Variants in ANO1 observed in about 807,000 individuals in gnomAD.
ANO1 encodes the protein anoctamin-1.
Under a neutral mutation model 124.0 loss-of-function variants are expected in ANO1, and 59 were observed. The ratio of observed to expected loss-of-function variants is 0.48; its 90% CI spans 0.39 to 0.59. The LOEUF is 0.59. ANO1 is among the 20% of genes least tolerant of loss of function. ANO1 has a pLI of 0.00. For synonymous variants in ANO1, 529 were observed against 532.0 expected (o/e 0.99, Z 0.08); for missense variants, 1,059 against 1,328.0 (o/e 0.80, Z 3.15).
chr11:70,072,237 G>C (rs1037341845), intron 1 of ANO1, among the ~76,000 whole-genome samples: 1 of 152,088 alleles, frequency 6.6e-6, no homozygotes, highest in African/African-American at 2.4e-5. Context: ...TCCCACAGAC[G>C]TGAGGCCCGG....
At chr11:69,974,702 C>G in the ANO1 span, among the ~76,000 whole-genome samples, 1 of 152,154 alleles carries the variant, frequency 6.6e-6, no homozygotes, top group South Asian at 2.1e-4. Flanking sequence ...GAGAGAAACA[C>G]AAGCTGTTCT....
At chr11:70,177,737 T>G (rs2048777878) in intron 22 of ANO1, among the ~76,000 whole-genome samples, 1 of 151,666 alleles carries the variant, frequency 6.6e-6, no homozygotes, top group South Asian at 2.1e-4. Context: ...GTAGCTGGGA[T>G]TACAGGCGCC....
At chr11:70,037,338 G>T (rs2135047504) in intron 1 of ANO1, among the ~76,000 whole-genome samples, 1 of 152,188 alleles carries the variant, frequency 6.6e-6, no homozygotes, top group East Asian at 1.9e-4. Flanking sequence ...GAGAAGAATT[G>T]GGATTTGGGA....
chr11:69,982,241 C>T (rs1450456973), upstream of ANO1, among the ~76,000 whole-genome samples: 1 of 152,172 alleles, frequency 6.6e-6, no homozygotes, highest in Non-Finnish European at 1.5e-5. Flanking sequence ...TGAGTATAGC[C>T]ACCAGGGGCC....
At chr11:70,161,427 T>C (rs2048040386) in intron 17 of ANO1, 65 bp downstream of exon 17, 16 of 1,551,472 alleles carry the variant, frequency 1.0e-5, no homozygotes, top group African/African-American at 1.4e-5. Flanking sequence ...TGCCTCTTGC[T>C]GTGCATCCTT....
upstream of ANO1, among the ~76,000 whole-genome samples, chr11:69,984,327 C>G (rs913701810): frequency 6.7e-6 from 1 of 149,976 alleles, no homozygotes; most frequent in African/African-American, 2.5e-5. Context: ...AGCCTGCCGC[C>G]CACGGAGAAT....
chr11:70,017,078 C>A (rs1268562113), intron 1 of ANO1, among the ~76,000 whole-genome samples: 1 of 152,208 alleles, frequency 6.6e-6, no homozygotes, highest in African/African-American at 2.4e-5. Flanking sequence ...TAGAAAGATG[C>A]CTGGCACAGA....
rs188344605 is a variant in ANO1 at position 70,114,831 on chromosome 11, G to A, written c.856-1627G>A. 1.6e-3 allele frequency among the ~76,000 whole-genome samples: 247 copies of A among 152,226 alleles called. 1 individual carries two copies. The highest frequency in any genetic ancestry group is 5.5e-3 in the African/African-American group (228 of 41,536). ...GGAGAATTGCTTGAACTCGGGAGGC[G>A]GATAACAACCTGATAGAGTTGTGTG... On this transcript the variant is annotated intron_variant, in intron 7 of 25. Transcript: ENST00000355303.
At chr11:70,179,295 G>T (rs114950019) in intron 22 of ANO1, among the ~76,000 whole-genome samples, 1,657 of 152,360 alleles carry the variant, frequency 0.011, 31 homozygotes, top group African/African-American at 0.037. Flanking sequence ...TGAGGCGGGG[G>T]TCAGCCCGGG....
the ANO1 span, among the ~76,000 whole-genome samples, chr11:69,967,671 G>A: frequency 3.9e-5 from 6 of 152,340 alleles, 1 homozygote; most frequent in South Asian, 4.1e-4. Context: ...CACGGCCCCC[G>A]TTTACACAAG....
intron 1 of ANO1, among the ~76,000 whole-genome samples, chr11:69,997,121 G>C (rs1301299576): frequency 1.3e-5 from 2 of 152,140 alleles, no homozygotes; most frequent in Non-Finnish European, 2.9e-5. Context: ...TTTTATCACT[G>C]TTCTTTTGGG....
chr11:70,178,004 G>C (rs941022542), intron 22 of ANO1, among the ~76,000 whole-genome samples: 1 of 152,254 alleles, frequency 6.6e-6, no homozygotes, highest in Non-Finnish European at 1.5e-5. Flanking sequence ...GGGCCTGCCT[G>C]CCACCGCTTT....
At chr11:70,021,477 CTT>C (rs58399294) in intron 1 of ANO1, among the ~76,000 whole-genome samples, 37 of 145,158 alleles carry the variant, frequency 2.5e-4, no homozygotes, top group Admixed American at 6.8e-4. Flanking sequence ...GTTGTTGTTT[CTT>C]TTTTTTTTTT....
chr11:69,988,830 G>T (rs535685709), intron 1 of ANO1, among the ~76,000 whole-genome samples: 1 of 152,062 alleles, frequency 6.6e-6, no homozygotes, highest in South Asian at 2.1e-4. Context: ...AAACTCAGCT[G>T]GTATATCCCC....
intron 8 of ANO1, among the ~76,000 whole-genome samples, chr11:70,123,231 G>C (rs1426855134): frequency 6.6e-6 from 1 of 152,218 alleles, no homozygotes. Flanking sequence ...CTGCAGGTGA[G>C]GCTGGTGGTT....
intron 1 of ANO1, among the ~76,000 whole-genome samples, chr11:70,060,291 C>G (rs1857544497): frequency 6.6e-6 from 1 of 152,178 alleles, no homozygotes; most frequent in Non-Finnish European, 1.5e-5. Flanking sequence ...GGAGGAAGTG[C>G]AGCAGCTTCC....
chr11:70,157,760 G>A (rs1033334111), intron 16 of ANO1, among the ~76,000 whole-genome samples: 8 of 152,158 alleles, frequency 5.3e-5, no homozygotes, highest in African/African-American at 1.4e-4. Flanking sequence ...GGGAGGCCGA[G>A]GCAGGAAGAT....
chr11:70,133,707 G>A (rs1002831429), intron 11 of ANO1, among the ~76,000 whole-genome samples: 4 of 152,224 alleles, frequency 2.6e-5, no homozygotes, highest in East Asian at 1.9e-4. Flanking sequence ...CCATGAAGCC[G>A]AGGAAGCCGA....
intron 21 of ANO1, among the ~76,000 whole-genome samples, chr11:70,170,576 T>C (rs2135760662): frequency 6.6e-6 from 1 of 152,246 alleles, no homozygotes; most frequent in Admixed American, 6.5e-5. Context: ...TGGTGACAGA[T>C]CGAGACTATC....
Sources: allele counts gnomAD v4.1 joint callset (sites outside exome capture counted in the v4.1 genomes callset), GRCh38; gene constraint gnomAD v4.1.1; transcripts MANE v1.5; gene names NCBI Gene and HGNC (gene_info 2026-07-23, HGNC 2026-07-21).